Variants in XPO4 observed in about 807,000 individuals in gnomAD.
XPO4 encodes the protein exportin-4.
XPO4 carries 39 observed loss-of-function variants against 143.0 expected under a neutral mutation model. The ratio of observed to expected loss-of-function variants is 0.27; its 90% CI spans 0.21 to 0.36. The LOEUF is 0.36. Ranked by LOEUF, XPO4 falls within the 10% of genes least tolerant of loss-of-function variation. The pLI is 1.00. For missense variants in XPO4, 907 were observed against 1,348.0 expected, an observed-to-expected ratio of 0.67 and a Z score of 5.12; for synonymous variants, 439 against 474.0, an observed-to-expected ratio of 0.93 and a Z score of 0.96.
rs371078514 is a variant in XPO4, at chr13:20,796,161, T to C, written c.2712A>G (p.Glu904=). 9 of 1,613,838 alleles carry C rather than the reference T, an allele frequency of 5.6e-6. No homozygotes were observed. The African/African-American group carries it at 1.2e-4, about 22-fold the overall frequency. The change falls in exon 18 of 23, where the codon GAA becomes GAG. Residue 904 remains glutamate (E), a synonymous_variant. Transcript: ENST00000255305. Reference sequence around the variant, plus strand: ...GAAGCAGGTCTTGGTATTGCTCTTCTTCTGCTGTAACATCTATTCTTTGCC... The same window carrying C: ...GAAGCAGGTCTTGGTATTGCTCTTCCTCTGCTGTAACATCTATTCTTTGCC... ...LGRQRIDVTA[E]EEQYQDLLLI...
chr13:20,823,479 C>T (rs1315975492), intron 7 of XPO4, among the ~76,000 whole-genome samples: 1 of 151,982 alleles, frequency 6.6e-6, no homozygotes, highest in Non-Finnish European at 1.5e-5. Flanking sequence ...TTAAAATATG[C>T]TATACTCTTT....
chr13:20,787,492 G>T lies in XPO4; in HGVS notation c.3154C>A (p.His1052Asn). The T allele has an allele frequency of 6.2e-7, 1 of 1,614,168 alleles. No homozygotes were observed. Among genetic ancestry groups the T allele is most frequent in the South Asian group, 1.1e-5 (1 of 91,088 alleles). Residue 1052 changes from histidine to asparagine, a missense_variant, in exon 21 of 23, where the codon CAC (histidine) becomes AAC (asparagine). By Grantham distance (68) the His-to-Asn change is moderately conservative. Coordinates refer to ENST00000255305, the MANE Select transcript of XPO4 (RefSeq NM_022459.5). ...CACAGACATCTTACCTTAAGAAAGT[G>T]CCGTGTTGCTAGAAAAAGTGGTGAG... ...TDSPLFLATRHFLKLVFDMLV... is the reference protein window; with the variant it reads ...TDSPLFLATRNFLKLVFDMLV...
At chr13:20,797,149 A>G in intron 16 of XPO4, 92 bp from the exon 17 acceptor site, 1 of 1,278,434 alleles carries the variant, frequency 7.8e-7, no homozygotes, top group South Asian at 1.6e-5. Context: ...AAACATTTCT[A>G]ATTGTTGGAG....
intron 4 of XPO4, among the ~76,000 whole-genome samples, chr13:20,847,959 G>A: frequency 6.6e-6 from 1 of 152,144 alleles, no homozygotes; most frequent in East Asian, 1.9e-4. Flanking sequence ...TTTTTCTTAA[G>A]GAATTATTTC....
intron 4 of XPO4, chr13:20,850,835 A>G (rs1040345356): frequency 1.0e-6 from 1 of 985,286 alleles, no homozygotes; most frequent in Non-Finnish European, 1.2e-6. Context: ...GACTACATAC[A>G]GTTTCTGGCC....
At position 20,815,184 on chromosome 13, in the gene XPO4, GC is replaced by G. The variant is rs563705702; in HGVS notation, c.1174-5218del. On this transcript the variant is annotated intron_variant, in intron 9 of 22. Coordinates refer to ENST00000255305, the MANE Select transcript of XPO4 (RefSeq NM_022459.5). Reference sequence around the variant, plus strand: ...GTGAGGGGCAGGGAAGGATAAATAGGCAGAACACAGAGGATTTTCAGCACAG... The same window carrying G: ...GTGAGGGGCAGGGAAGGATAAATAGGAGAACACAGAGGATTTTCAGCACAG... Among the ~76,000 whole-genome samples the G allele has an allele frequency of 3.3e-3, 503 of 152,256 alleles. 4 individuals carry two copies. The highest frequency in any genetic ancestry group is 0.012 in the African/African-American group (484 of 41,540).
intron 9 of XPO4, among the ~76,000 whole-genome samples, chr13:20,810,257 TAAAAAA>T (rs972530628): frequency 5.7e-4 from 86 of 151,278 alleles, no homozygotes; most frequent in African/African-American, 2.0e-3. Flanking sequence ...ATTGTTAAAA[TAAAAAA>T]AAATGTATAC....
rs766304703 is a variant in XPO4, at chr13:20,796,843, T to C, written c.2537A>G (p.Lys846Arg). Reference protein sequence around the residue: ...TNCIGLMEVYKNTPETVNLII... With the variant: ...TNCIGLMEVYRNTPETVNLII... ...GAGATTGACAGTCTCTGGGGTATTC[T>C]TGTAAACTTCCATCAATCCAATGCA... Residue 846 changes from lysine to arginine, a missense_variant, in exon 17 of 23, where the codon AAG becomes AGG. Coordinates refer to ENST00000255305, the MANE Select transcript of XPO4 (RefSeq NM_022459.5). 2 of 1,614,158 alleles carry C rather than the reference T, an allele frequency of 1.2e-6. No homozygotes were observed. The highest frequency in any genetic ancestry group is 1.7e-6 in the Non-Finnish European group (2 of 1,180,014).
intron 1 of XPO4, among the ~76,000 whole-genome samples, chr13:20,885,154 T>G (rs1342263090): frequency 6.6e-6 from 1 of 152,166 alleles, no homozygotes; most frequent in East Asian, 1.9e-4. Context: ...TTCTCCGTAT[T>G]GGTCAGGCTG....
At chr13:20,832,330 T>G (rs947133668) in intron 6 of XPO4, among the ~76,000 whole-genome samples, 4 of 152,224 alleles carry the variant, frequency 2.6e-5, no homozygotes, top group Admixed American at 6.5e-5. Flanking sequence ...AGGTCCGTAA[T>G]TATGCAATTA....
At chr13:20,890,700 G>A (rs1297353705) in intron 1 of XPO4, among the ~76,000 whole-genome samples, 1 of 151,240 alleles carries the variant, frequency 6.6e-6, no homozygotes, top group Admixed American at 6.6e-5. Context: ...TCAGAGGGCT[G>A]AGGCTGGAGG....
intron 2 of XPO4, chr13:20,866,021 A>T (rs952483107): frequency 1.0e-6 from 1 of 984,598 alleles, no homozygotes; most frequent in Middle Eastern, 5.2e-4. Flanking sequence ...CCTGAGAAAG[A>T]GTAAAAGAAT....
At chr13:20,857,813 G>A (rs2060159570) in intron 3 of XPO4, 1 of 981,196 alleles carries the variant, frequency 1.0e-6, no homozygotes, top group Non-Finnish European at 1.2e-6. Flanking sequence ...CAGAAGTAGG[G>A]TGCAAATCCC....
intron 3 of XPO4, among the ~76,000 whole-genome samples, chr13:20,857,462 T>C (rs1176388926): frequency 6.6e-6 from 1 of 152,138 alleles, no homozygotes; most frequent in Non-Finnish European, 1.5e-5. Context: ...GCGCAGTGGC[T>C]CACGCCTGTA....
At chr13:20,830,819 T>C (rs2059843824) in intron 6 of XPO4, among the ~76,000 whole-genome samples, 1 of 152,142 alleles carries the variant, frequency 6.6e-6, no homozygotes, top group African/African-American at 2.4e-5. Context: ...GGCTTTTATA[T>C]GGGAGAAAGG....
intron 4 of XPO4, chr13:20,849,023 A>T (rs2060057417): frequency 1.0e-6 from 1 of 985,340 alleles, no homozygotes; most frequent in Non-Finnish European, 1.2e-6. Context: ...ATTTCAAGCT[A>T]GTGAAAAAAT....
chr13:20,852,523 A>G (rs2060099166), intron 4 of XPO4: 1 of 985,314 alleles, frequency 1.0e-6, no homozygotes, highest in Non-Finnish European at 1.2e-6. Context: ...ACCATTATAC[A>G]ACTCGTGTAG....
chr13:20,802,106 A>C (rs2059441221), intron 13 of XPO4, among the ~76,000 whole-genome samples: 1 of 152,016 alleles, frequency 6.6e-6, no homozygotes, highest in Non-Finnish European at 1.5e-5. Flanking sequence ...CCCAGGCTGC[A>C]GTATGCCCAG....
At chr13:20,824,190 T>C (rs569196492) in intron 7 of XPO4, among the ~76,000 whole-genome samples, 8 of 152,340 alleles carry the variant, frequency 5.3e-5, no homozygotes, top group African/African-American at 1.9e-4. Context: ...TATAGTAAAT[T>C]CCAAGTACAA....
Sources: gnomAD v4.1 joint callset for allele counts (sites outside exome capture counted in the v4.1 genomes callset) on GRCh38, gnomAD v4.1.1 for gene constraint, MANE v1.5 for transcripts, NCBI Gene and HGNC (gene_info 2026-07-23, HGNC 2026-07-21) for gene names.